The following SPAM1 variants were observed in gnomAD, a reference collection of about 807,000 sequenced individuals.
SPAM1 encodes hyaluronidase PH-20.
SPAM1 carries 22 observed loss-of-function variants against 29.6 expected under a neutral mutation model. The observed-to-expected ratio is 0.74, with a 90% CI of 0.53 to 1.06. The LOEUF is 1.06. Ranked by LOEUF, SPAM1 falls within the 50% of genes least tolerant of loss-of-function variation. The pLI, the probability that SPAM1 is intolerant of heterozygous loss-of-function variation, is 0.00. For synonymous variants in SPAM1, 194 were observed against 204.6 expected (o/e 0.95, Z 0.44); for missense variants, 534 against 604.0 (o/e 0.88, Z 1.21).
chr7:123,955,567 T>C (rs1401618675), intron 4 of SPAM1, among the ~76,000 whole-genome samples: 5 of 152,010 alleles, frequency 3.3e-5, no homozygotes, highest in Non-Finnish European at 7.4e-5. Context: ...CCATGAAGAA[T>C]GCCAGATGAA....
rs74395865 is a variant in SPAM1, at chr7:123,968,532, G to A, written c.1486-1666G>A. ...GTCTTGAGAAAGGAGCACAGGTGGA[G>A]AAGCAGGTTTGGGGGATTAGGTTTT... is the stretch of plus-strand genomic sequence containing the variant. On this transcript the variant is annotated intron_variant, in intron 5 of 6. Transcript: ENST00000340011. 2.5e-3 allele frequency among the ~76,000 whole-genome samples: 387 copies of A among 152,116 alleles called. 1 individual carries two copies. The highest frequency in any genetic ancestry group is 8.7e-3 in the African/African-American group (363 of 41,516).
At chr7:123,971,374 C>T (rs567239026) in exon 7 of SPAM1, 8 of 151,914 alleles carry the variant, frequency 5.3e-5, no homozygotes, top group Admixed American at 2.0e-4. Context: ...AAATCCATAT[C>T]GTGTAAATAA....
Position 123,946,264 on chromosome 7 carries a change from C to T in SPAM1, c.-318-3608C>T, listed in dbSNP as rs553840052. Among the ~76,000 whole-genome samples, 17 of 152,202 alleles carry T rather than the reference C, an allele frequency of 1.1e-4. No individual in the cohort carries two copies. The South Asian group carries it at 2.1e-3, about 19-fold the overall frequency. On this transcript the variant is annotated intron_variant, in intron 1 of 4. Coordinates refer to ENST00000682466, the MANE Select transcript of SPAM1 (RefSeq NM_153189.3). The stretch of plus-strand genomic sequence containing the variant: ...AAAAAGAGTTGCACAGCAAAATAAA[C>T]GTTAGATCTCAACCAAATTTTGGGT...
chr7:123,966,881 C>T (rs1386073176), intron 5 of SPAM1, among the ~76,000 whole-genome samples: 1 of 151,968 alleles, frequency 6.6e-6, no homozygotes, highest in Non-Finnish European at 1.5e-5. Context: ...CAAAACTGCA[C>T]ATCCTGCACA....
intron 1 of SPAM1, among the ~76,000 whole-genome samples, chr7:123,948,115 T>A (rs1808644855): frequency 6.6e-6 from 1 of 152,152 alleles, no homozygotes; most frequent in South Asian, 2.1e-4. Flanking sequence ...AAACAATAGT[T>A]TAAGAAGTTT....
chr7:123,942,640 C>A (rs1808464780), intron 1 of SPAM1, among the ~76,000 whole-genome samples: 1 of 152,140 alleles, frequency 6.6e-6, no homozygotes, highest in Admixed American at 6.5e-5. Context: ...CCTGCAGATA[C>A]CTGTATTAAT....
chr7:123,930,599 C>CA (rs1452072065), intron 1 of SPAM1, among the ~76,000 whole-genome samples: 3 of 152,194 alleles, frequency 2.0e-5, no homozygotes, highest in African/African-American at 7.2e-5. Flanking sequence ...CACCCAATTA[C>CA]AGACTCTCTA....
At chr7:123,970,046 AAGTCCTTT>A (rs1792477562) in intron 5 of SPAM1, among the ~76,000 whole-genome samples, 1 of 151,924 alleles carries the variant, frequency 6.6e-6, no homozygotes, top group African/African-American at 2.4e-5. Flanking sequence ...GTGTTTCCTT[AAGTCCTTT>A]AGTCCGGGTT....
intron 1 of SPAM1, among the ~76,000 whole-genome samples, chr7:123,929,895 A>ATTTT (rs71163712): frequency 4.2e-4 from 50 of 119,808 alleles, no homozygotes; most frequent in African/African-American, 1.2e-3. Flanking sequence ...GTGTTTAGGG[A>ATTTT]TTTTTTTTTT....
At chr7:123,937,474 GC>G (rs955267169) in intron 1 of SPAM1, among the ~76,000 whole-genome samples, 7 of 151,646 alleles carry the variant, frequency 4.6e-5, no homozygotes, top group Non-Finnish European at 1.0e-4. Flanking sequence ...GGTGGCGGGC[GC>G]CTGTAGTCCC....
At chr7:123,926,815 T>A (rs1170956566) in intron 1 of SPAM1, among the ~76,000 whole-genome samples, 1 of 152,214 alleles carries the variant, frequency 6.6e-6, no homozygotes, top group Non-Finnish European at 1.5e-5. Flanking sequence ...TAAAGGATTA[T>A]GGAGACCAAG....
chr7:123,938,043 G>C (rs1380989027), intron 1 of SPAM1, among the ~76,000 whole-genome samples: 1 of 151,366 alleles, frequency 6.6e-6, no homozygotes, highest in Non-Finnish European at 1.5e-5. Context: ...GAAGATGTTT[G>C]ATTGCCTAAG....
chr7:123,945,716 G>A (rs922059769), intron 1 of SPAM1, among the ~76,000 whole-genome samples: 1 of 152,132 alleles, frequency 6.6e-6, no homozygotes, highest in African/African-American at 2.4e-5. Context: ...ATGGTGAAAG[G>A]GGAGGAAGGA....
chr7:123,933,693 CT>C (rs1186475137), intron 1 of SPAM1, among the ~76,000 whole-genome samples: 3 of 152,116 alleles, frequency 2.0e-5, no homozygotes, highest in Non-Finnish European at 4.4e-5. Flanking sequence ...GGATTAACAT[CT>C]GGAATATACA....
intron 1 of SPAM1, among the ~76,000 whole-genome samples, chr7:123,938,065 A>G (rs957656046): frequency 2.7e-5 from 4 of 150,764 alleles, no homozygotes; most frequent in African/African-American, 9.7e-5. Context: ...CTTTAGTTAT[A>G]GTTTTGCTGT....
At chr7:123,958,218 C>T (rs1222026884) in intron 4 of SPAM1, among the ~76,000 whole-genome samples, 1 of 151,962 alleles carries the variant, frequency 6.6e-6, no homozygotes, top group African/African-American at 2.4e-5. Context: ...GCATATCTAC[C>T]ACTGCCACTT....
At chr7:123,949,805 G>C (rs1584956252) in intron 1 of SPAM1, 67 bp from the exon 2 acceptor site, 1 of 151,666 alleles carries the variant, frequency 6.6e-6, no homozygotes, top group East Asian at 1.9e-4. Flanking sequence ...TAGAATTTTA[G>C]ATATATTCAG....
At chr7:123,937,831 A>G (rs1314532619) in intron 1 of SPAM1, among the ~76,000 whole-genome samples, 1 of 152,142 alleles carries the variant, frequency 6.6e-6, no homozygotes, top group Admixed American at 6.5e-5. Flanking sequence ...CATGTGTTTC[A>G]TCAGCTTCCA....
At chr7:123,971,209 A>C (rs889000842) in exon 7 of SPAM1, 1 of 152,140 alleles carries the variant, frequency 6.6e-6, no homozygotes, top group African/African-American at 2.4e-5. Flanking sequence ...CTTCCAGAAG[A>C]TATTTATATA....
Sources: gnomAD v4.1 joint callset for allele counts (sites outside exome capture counted in the v4.1 genomes callset) on GRCh38, gnomAD v4.1.1 for gene constraint, MANE v1.5 for transcripts, NCBI Gene and HGNC (gene_info 2026-07-23, HGNC 2026-07-21) for gene names.